TYK2: variants seen among roughly 807,000 people sequenced by gnomAD.
TYK2 encodes non-receptor tyrosine-protein kinase TYK2.
TYK2 carries 65 observed loss-of-function variants against 130.9 expected under a neutral mutation model. That is an observed-to-expected ratio of 0.50 (90% CI 0.41 to 0.61). The LOEUF (loss-of-function observed/expected upper bound fraction) is 0.61. TYK2 is among the 20% of genes least tolerant of loss of function. The pLI, the probability that TYK2 is intolerant of heterozygous loss-of-function variation, is 0.00. For missense variants in TYK2, 1,378 were observed against 1,610.7 expected (o/e 0.86, Z 2.47); for synonymous variants, 647 against 658.9 (o/e 0.98, Z 0.28).
In TYK2 at chr19:10,379,625, GTCCTGGAGC is replaced by G. The variant is rs1426086263; in HGVS notation, c.-40_-32del. The G allele has an allele frequency of 1.3e-5, 2 of 152,100 alleles. No individual in the cohort carries two copies. The highest frequency in any genetic ancestry group is 2.9e-5 in the Non-Finnish European group (2 of 68,020). 9.4% of individuals were successfully genotyped at this position (152,100 alleles called of 1,614,324 possible). A position where few individuals can be genotyped will look rare whatever the true frequency, so the allele number is the denominator to read the frequency against. On this transcript the variant is annotated 5_prime_UTR_variant, in exon 2 of 25. Coordinates refer to ENST00000525621, the MANE Select transcript of TYK2 (RefSeq NM_003331.5). ...TGTGGTCAAACATACCTGAGGGTGAGTCCTGGAGCTCCCTGTGTCAACTCAAGCAAGCCA... is the reference window on the plus strand; with the variant it reads ...TGTGGTCAAACATACCTGAGGGTGAGTCCCTGTGTCAACTCAAGCAAGCCA...
At chr19:10,376,406 C>T (rs2042123104) in intron 3 of TYK2, among the ~76,000 whole-genome samples, 1 of 131,248 alleles carries the variant, frequency 7.6e-6, no homozygotes, top group African/African-American at 3.1e-5. Flanking sequence ...GTCCCAGGTT[C>T]AAGCTATTCT....
At position 10,362,354 on chromosome 19, in the gene TYK2, G is replaced by C. The variant is rs777266572; in HGVS notation, c.1579C>G (p.Arg527Gly). ...EGWGRSFPSV[R>G]ELGAALQGCL... ...CCCTGCAAGGCAGCCCCAAGTTCCC[G>C]AACGCTGGGGAAGGACCGGCCCCAG... The change falls in exon 11 of 25, where the codon CGG becomes GGG. Residue 527 changes from arginine (R) to glycine (G), a missense_variant. Coordinates refer to ENST00000525621, the MANE Select transcript of TYK2 (RefSeq NM_003331.5). 8 of 1,614,100 alleles carry C rather than the reference G, an allele frequency of 5.0e-6. No individual in the cohort carries two copies. In the South Asian group the frequency reaches 6.6e-5, roughly 13 times the overall value.
intron 22 of TYK2, 50 bp downstream of exon 22, chr19:10,352,876 C>T: frequency 6.5e-7 from 1 of 1,541,368 alleles, no homozygotes; most frequent in Non-Finnish European, 8.7e-7. Context: ...TCCACCCTGC[C>T]TGTTCCAAGT....
intron 3 of TYK2, among the ~76,000 whole-genome samples, chr19:10,371,879 C>T (rs762106886): frequency 1.1e-4 from 16 of 152,266 alleles, no homozygotes; most frequent in African/African-American, 3.1e-4. Flanking sequence ...ATAAACAAGG[C>T]GGCTCTAAAC....
At chr19:10,370,094 G>A (rs2041850374) in intron 3 of TYK2, among the ~76,000 whole-genome samples, 1 of 151,836 alleles carries the variant, frequency 6.6e-6, no homozygotes, top group African/African-American at 2.4e-5. Context: ...AGGCTCGAGG[G>A]TGCACACTTG....
chr19:10,351,247 A>T, intron 23 of TYK2, 85 bp from the exon 24 acceptor site: 1 of 1,095,884 alleles, frequency 9.1e-7, no homozygotes, highest in Admixed American at 2.0e-5. Context: ...AGCACTTTGG[A>T]AGGCTGAGGT....
chr19:10,380,532 G>A lies in TYK2; in HGVS notation c.-338C>T, dbSNP rs970616198. On this transcript the variant is annotated 5_prime_UTR_variant, in exon 1 of 25. Transcript: ENST00000525621. ...CACCCTTCCGGGGGAACACAAGCTC[G>A]AACCCGGACCCCTCCCCGCTCCCGC... The A allele has an allele frequency of 5.2e-5, 8 of 152,444 alleles. No homozygotes were observed. The highest frequency in any genetic ancestry group is 1.9e-4 in the African/African-American group (8 of 41,450). 9.4% of individuals were successfully genotyped at this position (152,444 alleles called of 1,614,324 possible). A position where few individuals can be genotyped will look rare whatever the true frequency, so the allele number is the denominator to read the frequency against.
intron 23 of TYK2, chr19:10,351,568 G>C: frequency 3.8e-6 from 1 of 261,524 alleles, no homozygotes; most frequent in Non-Finnish European, 7.5e-6. Context: ...CTTCTCAGCT[G>C]TGTGACTTTG....
chr19:10,369,801 T>A (rs1360673950), intron 3 of TYK2: 4 of 448,434 alleles, frequency 8.9e-6, no homozygotes, highest in South Asian at 3.1e-5. Context: ...CCCAGCACTT[T>A]GGGAGGCTGA....
chr19:10,354,014 T>G (rs377141021), intron 20 of TYK2, 28 bp downstream of exon 20: 1 of 1,611,598 alleles, frequency 6.2e-7, no homozygotes, highest in Non-Finnish European at 8.5e-7. Context: ...CCCCCTCAAG[T>G]CTCTAGGACT....
At chr19:10,360,546 G>T (rs1481251617) in intron 14 of TYK2, among the ~76,000 whole-genome samples, 2 of 151,932 alleles carry the variant, frequency 1.3e-5, no homozygotes, top group Non-Finnish European at 2.9e-5. Flanking sequence ...ACTAGGGATG[G>T]GGGGGATGGG....
At chr19:10,375,964 G>T (rs115440810) in intron 3 of TYK2, among the ~76,000 whole-genome samples, 2,407 of 151,118 alleles carry the variant, frequency 0.016, 65 homozygotes, top group African/African-American at 0.056. Context: ...AGATATATTT[G>T]GAAGTGCAAT....
Position 10,353,724 on chromosome 19 carries a change from C to T in TYK2, c.2909-78G>A. Reference sequence around the variant, plus strand: ...ACCGCCTACCTTGAGCCCAGCAGAGCCCCTCCAAGGTCGGGAGGGAAGGCC... The same window carrying T: ...ACCGCCTACCTTGAGCCCAGCAGAGTCCCTCCAAGGTCGGGAGGGAAGGCC... On this transcript the variant is annotated intron_variant, in intron 20 of 24. Coordinates refer to ENST00000525621, the MANE Select transcript of TYK2 (RefSeq NM_003331.5). The surrounding 1 kb of genome is among the most constrained non-coding windows in gnomAD (Gnocchi z 6.9). 3 of 1,156,734 alleles carry T rather than the reference C, an allele frequency of 2.6e-6. No individual in the cohort carries two copies. Among genetic ancestry groups the T allele is most frequent in the Non-Finnish European group, 1.2e-6 (1 of 836,574 alleles). The allele number at this position is 1,156,734 out of a possible 1,614,324, so 71.7% of individuals were successfully genotyped here.
In TYK2 at chr19:10,352,445, T is replaced by C. The variant is rs750525541; in HGVS notation, c.3307A>G (p.Ser1103Gly). The C allele has an allele frequency of 1.6e-5, 26 of 1,608,756 alleles. No individual in the cohort carries two copies. The Middle Eastern group carries it at 6.6e-4, about 41-fold the overall frequency. Residue 1103 changes from serine (S) to glycine (G), a missense_variant, in exon 23 of 25, where the codon AGC (serine) becomes GGC (glycine). By Grantham distance (56) the Ser-to-Gly change is moderately conservative. Coordinates refer to ENST00000525621, the MANE Select transcript of TYK2 (RefSeq NM_003331.5). ...ELLTHCDSSQ[S>G]PPTKFLELIG... Reference sequence around the variant, plus strand: ...GGCCTGGCTCTCACCGTGGGGGGGCTCTGGCTGGAGTCACAGTGCGTCAGC... The same window carrying C: ...GGCCTGGCTCTCACCGTGGGGGGGCCCTGGCTGGAGTCACAGTGCGTCAGC...
rs577866503 is a variant in TYK2 at position 10,353,885 on chromosome 19, A to C, written c.2908+157T>G. ...AGCACCCCCCAGATGGGAAGGAGGC[A>C]GCCCAGCCACGCTCACCCAGATGCC... On this transcript the variant is annotated intron_variant, in intron 20 of 24. Coordinates refer to ENST00000525621, the MANE Select transcript of TYK2 (RefSeq NM_003331.5). This position sits in a 1 kb window ranked among gnomAD's most constrained non-coding sequence, Gnocchi z 6.9. 1 of 844,628 alleles carries C rather than the reference A, an allele frequency of 1.2e-6. No homozygotes were observed. The allele number at this position is 844,628 out of a possible 1,614,324, so 52.3% of individuals were successfully genotyped here. A position where few individuals can be genotyped will look rare whatever the true frequency, so the allele number is the denominator to read the frequency against.
In TYK2 at chr19:10,361,091, A is replaced by G. The variant is rs1344333543; in HGVS notation, c.2047+420T>C. ...TGAGCTACCTGCAGAGGAAAGGAAG[A>G]GGTGGGGTTAGGCAGGGTTGGATGT... is the stretch of plus-strand genomic sequence containing the variant. On this transcript the variant is annotated intron_variant, in intron 14 of 24. Transcript: ENST00000525621. The surrounding 1 kb of genome is among the most constrained non-coding windows in gnomAD (Gnocchi z 4.0). The G allele has an allele frequency of 1.0e-5, 5 of 477,666 alleles. No homozygotes were observed. In the Admixed American group the frequency reaches 1.2e-4, roughly 11 times the overall value. 29.6% of individuals were successfully genotyped at this position (477,666 alleles called of 1,614,324 possible).
intron 19 of TYK2, 62 bp downstream of exon 19, chr19:10,354,450 C>G (rs1599329758): frequency 4.6e-6 from 7 of 1,526,578 alleles, no homozygotes; most frequent in African/African-American, 1.4e-5. Context: ...GGAATTTATC[C>G]TCAACCCCCA....
chr19:10,350,964 T>C lies in TYK2; in HGVS notation c.3434A>G (p.Tyr1145Cys). Residue 1145 changes from tyrosine to cysteine, a missense_variant, in exon 25 of 25, where the codon TAT becomes TGT. Coordinates refer to ENST00000525621, the MANE Select transcript of TYK2 (RefSeq NM_003331.5). ...PRPDKCPCEV[Y>C]HLMKNCWETE... ...CTCCCAGCAGTTCTTCATGAGATGATAGACCTAGAAGGAAAAACCAGGGCT... is the reference window on the plus strand; with the variant it reads ...CTCCCAGCAGTTCTTCATGAGATGACAGACCTAGAAGGAAAAACCAGGGCT... The C allele has an allele frequency of 1.2e-6, 2 of 1,614,170 alleles. No individual in the cohort carries two copies. The highest frequency in any genetic ancestry group is 1.7e-6 in the Non-Finnish European group (2 of 1,180,034).
At chr19:10,363,735 A>G (rs1005276907) in intron 9 of TYK2, among the ~76,000 whole-genome samples, 5 of 152,202 alleles carry the variant, frequency 3.3e-5, no homozygotes, top group African/African-American at 1.2e-4. Flanking sequence ...CATGCACTAT[A>G]AAGTGTCATG....
Sources: allele counts gnomAD v4.1 joint callset (sites outside exome capture counted in the v4.1 genomes callset), GRCh38; gene constraint gnomAD v4.1.1; non-coding constraint Gnocchi (gnomAD v3.1); transcripts MANE v1.5; gene names NCBI Gene and HGNC (gene_info 2026-07-23, HGNC 2026-07-21).